The following ALCAM variants were observed in gnomAD, a reference collection of about 807,000 sequenced individuals.
ALCAM encodes the protein CD166 antigen.
A neutral mutation model predicts 70.9 loss-of-function variants in ALCAM; 30 were observed. The observed-to-expected ratio is 0.42, with a 90% confidence interval of 0.32 to 0.57. ALCAM has a LOEUF of 0.57. Ranked by LOEUF, ALCAM falls within the 20% of genes least tolerant of loss-of-function variation. The pLI is 0.11. For missense variants in ALCAM, 591 were observed against 695.1 expected (o/e 0.85, Z 1.68); for synonymous variants, 249 against 242.5 (o/e 1.03, Z -0.25).
At chr3:105,531,379 G>C (rs1178014665) in intron 3 of ALCAM, 1 of 152,112 alleles carries the variant, frequency 6.6e-6, no homozygotes, top group Non-Finnish European at 1.5e-5. Flanking sequence ...TGGCTTAAGA[G>C]GTAAAGTTAG....
intron 1 of ALCAM, among the ~76,000 whole-genome samples, chr3:105,442,757 G>T (rs1937203890): frequency 6.6e-6 from 1 of 151,992 alleles, no homozygotes; most frequent in South Asian, 2.1e-4. Context: ...CTCCAGTTTG[G>T]GTGACAGAGC....
At chr3:105,540,124 C>A (rs200883766) in intron 7 of ALCAM, 22 bp downstream of exon 7, 3 of 1,602,696 alleles carry the variant, frequency 1.9e-6, no homozygotes, top group Non-Finnish European at 2.6e-6. Flanking sequence ...AGTATTACTT[C>A]AGTTGGATGA....
intron 2 of ALCAM, among the ~76,000 whole-genome samples, chr3:105,523,148 A>C (rs868766930): frequency 0.085 from 12,336 of 145,060 alleles, 200 homozygotes; most frequent in Middle Eastern, 0.14. Flanking sequence ...TCAAAAAAAA[A>C]AAAAAAAAAA....
At chr3:105,390,375 T>A (rs770268247) in intron 1 of ALCAM, among the ~76,000 whole-genome samples, 1 of 152,166 alleles carries the variant, frequency 6.6e-6, no homozygotes, top group African/African-American at 2.4e-5. Flanking sequence ...TATATATGTT[T>A]GTTGGCTGCA....
At chr3:105,414,028 C>G (rs1362378159) in intron 1 of ALCAM, among the ~76,000 whole-genome samples, 1 of 152,070 alleles carries the variant, frequency 6.6e-6, no homozygotes, top group Non-Finnish European at 1.5e-5. Context: ...TATAGTTCTG[C>G]TACTTAGTGA....
rs938185786 is a variant in ALCAM at position 105,367,223 on chromosome 3, G to T, written c.-186G>T. 4 of 596,272 alleles carry T rather than the reference G, an allele frequency of 6.7e-6. No individual in the cohort carries two copies. In the African/African-American group the frequency reaches 7.5e-5, roughly 11 times the overall value. 36.9% of individuals were successfully genotyped at this position (596,272 alleles called of 1,614,324 possible). A position where few individuals can be genotyped will look rare whatever the true frequency, so the allele number is the denominator to read the frequency against. ...AGGGAGGAGGAGTTGGGGGCATTGCGTGGTGGAAAGTTGCGTGCGGCAGAG... is the reference window on the plus strand; with the variant it reads ...AGGGAGGAGGAGTTGGGGGCATTGCTTGGTGGAAAGTTGCGTGCGGCAGAG... On this transcript the variant is annotated 5_prime_UTR_variant, in exon 1 of 16. Coordinates refer to ENST00000306107, the MANE Select transcript of ALCAM (RefSeq NM_001627.4).
intron 8 of ALCAM, among the ~76,000 whole-genome samples, chr3:105,543,213 T>A (rs1940165760): frequency 6.6e-6 from 1 of 151,718 alleles, no homozygotes; most frequent in Non-Finnish European, 1.5e-5. Context: ...GATGGCAGAC[T>A]GACAAAGCAA....
At chr3:105,411,355 A>G (rs540578799) in intron 1 of ALCAM, among the ~76,000 whole-genome samples, 12 of 152,126 alleles carry the variant, frequency 7.9e-5, no homozygotes, top group Middle Eastern at 3.4e-3. Flanking sequence ...AAGAAAGTAC[A>G]TTTTTCATTG....
chr3:105,437,581 G>A (rs776271770), intron 1 of ALCAM, among the ~76,000 whole-genome samples: 124 of 152,132 alleles, frequency 8.2e-4, no homozygotes, highest in Middle Eastern at 3.6e-3. Context: ...GTACATAGAT[G>A]GTAGGGAAAT....
At chr3:105,568,536 C>T (rs1282676461) in intron 14 of ALCAM, among the ~76,000 whole-genome samples, 2 of 152,150 alleles carry the variant, frequency 1.3e-5, no homozygotes, top group East Asian at 1.9e-4. Context: ...GCTTCTAAGC[C>T]TTCTGGTATT....
In ALCAM at chr3:105,571,843, C is replaced by A. The variant is rs1940866679; in HGVS notation, c.1665-9C>A. ...TCAATATGATGAAGTTTATTTAATT[C>A]TCTTACAGGACTGCATCAAAACATG... On this transcript the variant is annotated splice_polypyrimidine_tract_variant and intron_variant, in intron 14 of 15. Coordinates refer to ENST00000306107, the MANE Select transcript of ALCAM (RefSeq NM_001627.4). 7.6e-6 allele frequency: 12 copies of A among 1,585,360 alleles called. No individual in the cohort carries two copies. Among genetic ancestry groups the A allele is most frequent in the South Asian group, 1.1e-5 (1 of 89,014 alleles).
At chr3:105,438,891 G>A (rs1012407327) in intron 1 of ALCAM, among the ~76,000 whole-genome samples, 1 of 151,536 alleles carries the variant, frequency 6.6e-6, no homozygotes, top group African/African-American at 2.4e-5. Context: ...AATGAAGGAA[G>A]GAAGGAAGGA....
chr3:105,410,265 T>C (rs1347069376), intron 1 of ALCAM, among the ~76,000 whole-genome samples: 1 of 151,966 alleles, frequency 6.6e-6, no homozygotes, highest in Admixed American at 6.6e-5. Flanking sequence ...ATTAGCACAA[T>C]GGGAAAGGCA....
intron 1 of ALCAM, among the ~76,000 whole-genome samples, chr3:105,381,479 T>G (rs1164182062): frequency 6.6e-6 from 1 of 152,020 alleles, no homozygotes; most frequent in East Asian, 1.9e-4. Flanking sequence ...CTCCAAGACT[T>G]TATCCATTAA....
intron 14 of ALCAM, among the ~76,000 whole-genome samples, chr3:105,559,136 A>T (rs1033064113): frequency 7.4e-5 from 11 of 149,586 alleles, no homozygotes; most frequent in African/African-American, 2.7e-4. Context: ...TAACCATCAT[A>T]ATTTATATTT....
rs1576245088 is a variant in ALCAM at position 105,565,243 on chromosome 3, C to T, written c.1665-6609C>T. Among the ~76,000 whole-genome samples the T allele has an allele frequency of 2.0e-5, 3 of 152,292 alleles. No individual in the cohort carries two copies. In the East Asian group the frequency reaches 5.8e-4, roughly 29 times the overall value. On this transcript the variant is annotated intron_variant, in intron 14 of 15. Transcript: ENST00000306107. ...ATTTTTTTACATATATGTTTACCCT[C>T]CTTTCTTCATAAGACTCCTGGTATA...
At chr3:105,563,697 T>G (rs1185977325) in intron 14 of ALCAM, among the ~76,000 whole-genome samples, 1 of 70,324 alleles carries the variant, frequency 1.4e-5, no homozygotes, top group African/African-American at 4.6e-5. Context: ...TTTTTTTTTT[T>G]TGAGACGGAG....
intron 6 of ALCAM, among the ~76,000 whole-genome samples, chr3:105,538,779 A>G (rs1053265188): frequency 1.3e-5 from 2 of 152,128 alleles, no homozygotes; most frequent in Non-Finnish European, 2.9e-5. Context: ...CTGGTTAGGA[A>G]ACTACTTCAG....
chr3:105,388,102 A>C (rs1015960321), intron 1 of ALCAM, among the ~76,000 whole-genome samples: 2 of 151,672 alleles, frequency 1.3e-5, no homozygotes, highest in African/African-American at 4.8e-5. Flanking sequence ...AGTGTGGAAA[A>C]TAAAAAGACA....
Sources: gnomAD v4.1 joint callset for allele counts (sites outside exome capture counted in the v4.1 genomes callset) on GRCh38, gnomAD v4.1.1 for gene constraint, MANE v1.5 for transcripts, NCBI Gene and HGNC (gene_info 2026-07-23, HGNC 2026-07-21) for gene names.